Variants in HOXD10 observed in about 807,000 individuals in gnomAD.
HOXD10 encodes homeobox protein Hox-D10.
A neutral mutation model predicts 27.0 loss-of-function variants in HOXD10; 15 were observed. The observed-to-expected ratio is 0.56, with a 90% confidence interval of 0.37 to 0.85. The LOEUF (loss-of-function observed/expected upper bound fraction) is 0.85. HOXD10 is among the 40% of genes least tolerant of loss of function. The probability of loss-of-function intolerance (pLI) is 0.00; values close to 1 mark genes in which losing one functional copy is unlikely to be tolerated. For synonymous variants in HOXD10, 178 were observed against 160.9 expected (o/e 1.11, Z -0.80); for missense variants, 440 against 430.4 (o/e 1.02, Z -0.20).
In HOXD10 at chr2:176,119,861, G is replaced by C. The variant is rs1331049114; in HGVS notation, c.*630G>C. The C allele has an allele frequency of 6.6e-6, 1 of 152,594 alleles. No individual in the cohort carries two copies. The highest frequency in any genetic ancestry group is 1.5e-5 in the Non-Finnish European group (1 of 68,060). 9.5% of individuals were successfully genotyped at this position (152,594 alleles called of 1,614,324 possible). On this transcript the variant is annotated 3_prime_UTR_variant, in exon 2 of 2. Coordinates refer to ENST00000249501, the MANE Select transcript of HOXD10 (RefSeq NM_002148.4). ...TTCCCTTGTGGTGCATCTGTGGTTT[G>C]GTAGAAGTACAACAGCAACCTGTCC...
chr2:176,118,129 A>G (rs1188250670), intron 1 of HOXD10, among the ~76,000 whole-genome samples: 1 of 152,228 alleles, frequency 6.6e-6, no homozygotes, highest in Non-Finnish European at 1.5e-5. Context: ...AAAGTGCTGC[A>G]GTCTTTGCAA....
chr2:176,117,409 T>C lies in HOXD10; in HGVS notation c.576T>C (p.Ala192=). The C allele has an allele frequency of 6.2e-7, 1 of 1,613,336 alleles. No individual in the cohort carries two copies. The highest frequency in any genetic ancestry group is 8.5e-7 in the Non-Finnish European group (1 of 1,180,030). The change falls in exon 1 of 2, where the codon GCT becomes GCC. Residue 192 remains alanine (A), a synonymous_variant. Coordinates refer to ENST00000249501, the MANE Select transcript of HOXD10 (RefSeq NM_002148.4). ...PRGAAKPQLS[A]AQLQMEKKMN... is the part of the protein sequence containing the mutation. ...GCGCGGCCAAGCCGCAGCTCTCCGC[T>C]GCCCAGCTGCAGATGGAAAAGAAGA...
Position 176,117,441 on chromosome 2 carries a change from A to T in HOXD10, c.608A>T (p.Glu203Val), listed in dbSNP as rs761097733. 3.1e-6 allele frequency: 5 copies of T among 1,613,174 alleles called. No homozygotes were observed. The South Asian group carries it at 5.5e-5, about 18-fold the overall frequency. Residue 203 changes from glutamate to valine, a missense_variant, in exon 1 of 2, where the codon GAG becomes GTG. Physicochemically the swap from Glu to Val is moderately radical, Grantham distance 121. Coordinates refer to ENST00000249501, the MANE Select transcript of HOXD10 (RefSeq NM_002148.4). Reference protein sequence around the residue: ...AQLQMEKKMNEPVSGQEPTKV... With the variant: ...AQLQMEKKMNVPVSGQEPTKV... Reference sequence around the variant, plus strand: ...CTGCAGATGGAAAAGAAGATGAACGAGCCCGTGAGCGGCCAGGAGCCCACC... The same window carrying T: ...CTGCAGATGGAAAAGAAGATGAACGTGCCCGTGAGCGGCCAGGAGCCCACC...
rs1689776808 is a variant in HOXD10, at chr2:176,117,388, G to A, written c.555G>A (p.Ala185=). 6.2e-7 allele frequency: 1 copy of A among 1,613,208 alleles called. No homozygotes were observed. The highest frequency in any genetic ancestry group is 1.3e-5 in the African/African-American group (1 of 74,940). The change falls in exon 1 of 2, where the codon GCG becomes GCA. Residue 185 remains alanine (A), a synonymous_variant. Coordinates refer to ENST00000249501, the MANE Select transcript of HOXD10 (RefSeq NM_002148.4). ...TVMLQLNPRG[A]AKPQLSAAQL... The stretch of plus-strand genomic sequence containing the variant: ...TGCTCCAGCTCAACCCTCGTGGCGC[G>A]GCCAAGCCGCAGCTCTCCGCTGCCC...
Position 176,117,311 on chromosome 2 carries a change from A to T in HOXD10, c.478A>T (p.Thr160Ser). The T allele has an allele frequency of 1.2e-6, 2 of 1,613,472 alleles. No homozygotes were observed. The highest frequency in any genetic ancestry group is 1.7e-6 in the Non-Finnish European group (2 of 1,179,476). Residue 160 changes from threonine (T) to serine (S), a missense_variant, in exon 1 of 2, where the codon ACC becomes TCC. By Grantham distance (58) the Thr-to-Ser change is moderately conservative (BLOSUM62 1). Coordinates refer to ENST00000249501, the MANE Select transcript of HOXD10 (RefSeq NM_002148.4). ...TTTTAGACTGAGTCAGACCTACGCC[A>T]CCGGGAAAACCCAAGAGTACAATAA... ...GYFRLSQTYA[T>S]GKTQEYNNSP...
In HOXD10 at chr2:176,117,591, A is replaced by G; in HGVS notation, c.745+13A>G. The G allele has an allele frequency of 1.2e-6, 2 of 1,612,486 alleles. No homozygotes were observed. Among genetic ancestry groups the G allele is most frequent in the Non-Finnish European group, 8.5e-7 (1 of 1,180,020 alleles). On this transcript the variant is annotated intron_variant, in intron 1 of 1. Coordinates refer to ENST00000249501, the MANE Select transcript of HOXD10 (RefSeq NM_002148.4). ...AAGGAAAGCAAAGGTCGGTATGAGCAGAGTTGCCACCCCAGCGGGGCGCGC... is the reference window on the plus strand; with the variant it reads ...AAGGAAAGCAAAGGTCGGTATGAGCGGAGTTGCCACCCCAGCGGGGCGCGC...
intron 1 of HOXD10, 59 bp from the exon 2 acceptor site, chr2:176,118,895 A>AAAAC (rs531368112): frequency 3.4e-6 from 5 of 1,453,644 alleles, no homozygotes; most frequent in Non-Finnish European, 4.7e-6. Flanking sequence ...AACAAAAACA[A>AAAAC]AAACAAACAA....
In HOXD10 at chr2:176,117,204, T is replaced by C. The variant is rs1242645619; in HGVS notation, c.371T>C (p.Ile124Thr). The change falls in exon 1 of 2, where the codon ATT (isoleucine) becomes ACT (threonine). Residue 124 changes from isoleucine (I) to threonine (T), a missense_variant. Physicochemically the swap from Ile to Thr is moderately conservative, Grantham distance 89. Transcript: ENST00000249501. ...TATTCTGATAAGCGCAACAAACTCA[T>C]TTCGGCCGAGGTCCCTTCGTACCAG... ...CMYSDKRNKL[I>T]SAEVPSYQRL... is the part of the protein sequence containing the mutation. 6.2e-7 allele frequency: 1 copy of C among 1,613,210 alleles called. No homozygotes were observed. The highest frequency in any genetic ancestry group is 1.1e-5 in the South Asian group (1 of 91,068).
intron 1 of HOXD10, among the ~76,000 whole-genome samples, chr2:176,118,016 G>A (rs1315309010): frequency 6.6e-6 from 1 of 152,220 alleles, no homozygotes; most frequent in Non-Finnish European, 1.5e-5. Flanking sequence ...CTGCGAGCTT[G>A]GGGGTGGTGA....
In HOXD10 at chr2:176,116,875, A is replaced by G. The variant is rs776564907; in HGVS notation, c.42A>G (p.Leu14=). The change falls in exon 1 of 2, where the codon TTA becomes TTG. Residue 14 remains leucine, a synonymous_variant. Transcript: ENST00000249501. ...PNSSPAANTF[L]VDSLISACRS... ...GCTCTCCTGCTGCTAATACTTTTTT[A>G]GTAGATTCCTTGATCAGTGCCTGCA... 2.5e-6 allele frequency: 4 copies of G among 1,614,058 alleles called. No homozygotes were observed. The highest frequency in any genetic ancestry group is 3.3e-5 in the Admixed American group (2 of 60,030).
chr2:176,117,259 G>A lies in HOXD10; in HGVS notation c.426G>A (p.Glu142=). The A allele has an allele frequency of 6.2e-7, 1 of 1,610,240 alleles. No homozygotes were observed. The highest frequency in any genetic ancestry group is 1.1e-5 in the South Asian group (1 of 91,006). The change falls in exon 1 of 2, where the codon GAG becomes GAA. Residue 142 remains glutamate (E), a synonymous_variant. Transcript: ENST00000249501. ...TGGTCCCTGAGTCTTGTCCCGTTGA[G>A]AACCCTGAGGTTCCCGTCCCTGGAT... The part of the protein sequence containing the change: ...QRLVPESCPV[E]NPEVPVPGYF...
chr2:176,118,455 C>A (rs769420609), intron 1 of HOXD10, among the ~76,000 whole-genome samples: 1 of 150,566 alleles, frequency 6.6e-6, no homozygotes, highest in Non-Finnish European at 1.5e-5. Flanking sequence ...ACCTATAAAC[C>A]TGACTGTCAG....
chr2:176,119,426 T>A lies in HOXD10; in HGVS notation c.*195T>A. 2.4e-6 allele frequency: 1 copy of A among 418,002 alleles called. No homozygotes were observed. The highest frequency in any genetic ancestry group is 4.4e-6 in the Non-Finnish European group (1 of 227,928). 25.9% of individuals were successfully genotyped at this position (418,002 alleles called of 1,614,324 possible). A position where few individuals can be genotyped will look rare whatever the true frequency, so the allele number is the denominator to read the frequency against. On this transcript the variant is annotated 3_prime_UTR_variant, in exon 2 of 2. Coordinates refer to ENST00000249501, the MANE Select transcript of HOXD10 (RefSeq NM_002148.4). ...TGTTCGTGCTGCAAGTGATCTGTAA[T>A]CCCTATGAGTATATATATATATATA...
Position 176,117,106 on chromosome 2 carries a change from G to A in HOXD10, c.273G>A (p.Glu91=), listed in dbSNP as rs1294269335. 6.2e-7 allele frequency: 1 copy of A among 1,614,182 alleles called. No individual in the cohort carries two copies. Among genetic ancestry groups the A allele is most frequent in the East Asian group, 2.2e-5 (1 of 44,884 alleles). The change falls in exon 1 of 2, where the codon GAG becomes GAA. Residue 91 remains glutamate (E), a synonymous_variant. Coordinates refer to ENST00000249501, the MANE Select transcript of HOXD10 (RefSeq NM_002148.4). ...WTDPNRSCRI[E]QPVTQQVPTC... is the part of the protein sequence containing the mutation. ...ATCCGAACAGATCTTGTCGAATAGAGCAACCTGTTACACAGCAAGTCCCCA... is the reference window on the plus strand; with the variant it reads ...ATCCGAACAGATCTTGTCGAATAGAACAACCTGTTACACAGCAAGTCCCCA...
In HOXD10 at chr2:176,119,462, T is replaced by TATATATATATATAA; in HGVS notation, c.*234_*235insTATATATATAAATA. ...ATATATATATATATATATATATATA[T>TATATATATATATAA]ATAAAAACTTAGCACGTGTAATTTA... On this transcript the variant is annotated 3_prime_UTR_variant, in exon 2 of 2. Coordinates refer to ENST00000249501, the MANE Select transcript of HOXD10 (RefSeq NM_002148.4). The TATATATATATATAA allele has an allele frequency of 1.4e-5, 2 of 147,084 alleles. No individual in the cohort carries two copies. The highest frequency in any genetic ancestry group is 2.8e-5 in the Non-Finnish European group (2 of 71,102). 9.1% of individuals were successfully genotyped at this position (147,084 alleles called of 1,614,324 possible). A position where few individuals can be genotyped will look rare whatever the true frequency, so the allele number is the denominator to read the frequency against.
chr2:176,119,434 A>AGT lies in HOXD10; in HGVS notation c.*204_*205dup, dbSNP rs1245691254. The AGT allele has an allele frequency of 1.0e-5, 2 of 196,712 alleles. No homozygotes were observed. The highest frequency in any genetic ancestry group is 3.2e-5 in the South Asian group (1 of 31,554). The allele number at this position is 196,712 out of a possible 1,614,324, so 12.2% of individuals were successfully genotyped here. On this transcript the variant is annotated 3_prime_UTR_variant, in exon 2 of 2. Coordinates refer to ENST00000249501, the MANE Select transcript of HOXD10 (RefSeq NM_002148.4). ...CTGCAAGTGATCTGTAATCCCTATGAGTATATATATATATATATATATATA... is the reference window on the plus strand; with the variant it reads ...CTGCAAGTGATCTGTAATCCCTATGAGTGTATATATATATATATATATATATA...
Position 176,116,927 on chromosome 2 carries a change from G to T in HOXD10, c.94G>T (p.Ala32Ser), listed in dbSNP as rs749822196. Reference sequence around the variant, plus strand: ...GAGTGACAGTTTTTATTCCAGCAGCGCCAGCATGTACATGCCACCACCTAG... The same window carrying T: ...GAGTGACAGTTTTTATTCCAGCAGCTCCAGCATGTACATGCCACCACCTAG... Reference protein sequence around the residue: ...CRSDSFYSSSASMYMPPPSAD... With the variant: ...CRSDSFYSSSSSMYMPPPSAD... The change falls in exon 1 of 2, where the codon GCC becomes TCC. Residue 32 changes from alanine to serine, a missense_variant. Transcript: ENST00000249501. The T allele has an allele frequency of 6.2e-7, 1 of 1,614,018 alleles. No individual in the cohort carries two copies. The highest frequency in any genetic ancestry group is 1.7e-5 in the Admixed American group (1 of 60,018).
chr2:176,118,749 C>A (rs1689807570), intron 1 of HOXD10, among the ~76,000 whole-genome samples: 1 of 152,146 alleles, frequency 6.6e-6, no homozygotes, highest in South Asian at 2.1e-4. Flanking sequence ...CTTCCAAGGC[C>A]CACTTCATGT....
Position 176,119,120 on chromosome 2 carries a change from C to A in HOXD10, c.912C>A (p.Asn304Lys). 6.2e-7 allele frequency: 1 copy of A among 1,614,016 alleles called. No individual in the cohort carries two copies. Among genetic ancestry groups the A allele is most frequent in the Non-Finnish European group, 8.5e-7 (1 of 1,179,988 alleles). Reference sequence around the variant, plus strand: ...GCCTAGAGATCAGTAAGAGCGTTAACCTCACCGACAGGCAGGTCAAGATTT... The same window carrying A: ...GCCTAGAGATCAGTAAGAGCGTTAAACTCACCGACAGGCAGGTCAAGATTT... ...ERRLEISKSV[N>K]LTDRQVKIWF... The change falls in exon 2 of 2, where the codon AAC becomes AAA. Residue 304 changes from asparagine to lysine, a missense_variant. Coordinates refer to ENST00000249501, the MANE Select transcript of HOXD10 (RefSeq NM_002148.4).
Sources: allele counts gnomAD v4.1 joint callset (sites outside exome capture counted in the v4.1 genomes callset), GRCh38; gene constraint gnomAD v4.1.1; transcripts MANE v1.5; gene names NCBI Gene and HGNC (gene_info 2026-07-23, HGNC 2026-07-21).